STK3: variants seen among roughly 807,000 people sequenced by gnomAD.
STK3 encodes the protein serine/threonine kinase 3.
A neutral mutation model predicts 58.0 loss-of-function variants in STK3; 41 were observed. That is an observed-to-expected ratio of 0.71 (90% confidence interval 0.55 to 0.92). The LOEUF is 0.92. Ranked by LOEUF, STK3 falls within the 40% of genes least tolerant of loss-of-function variation. The pLI is 0.00. For missense variants in STK3, 479 were observed against 602.7 expected (o/e 0.79, Z 2.15); for synonymous variants, 170 against 191.0 (o/e 0.89, Z 0.91).
chr8:98,450,663 G>A (rs1007171058), downstream of STK3, among the ~76,000 whole-genome samples: 5 of 152,140 alleles, frequency 3.3e-5, no homozygotes, highest in African/African-American at 9.7e-5. Flanking sequence ...GCACAAGAAC[G>A]CCACGTATAT....
intron 1 of STK3, among the ~76,000 whole-genome samples, chr8:98,817,293 A>C (rs1834616200): frequency 6.6e-6 from 1 of 152,084 alleles, no homozygotes; most frequent in South Asian, 2.1e-4. Flanking sequence ...ATCTCTACTA[A>C]AAATACAAAA....
At chr8:98,843,166 C>T (rs1314661745) in intron 3 of STK3, among the ~76,000 whole-genome samples, 2 of 151,912 alleles carry the variant, frequency 1.3e-5, no homozygotes, top group Non-Finnish European at 2.9e-5. Flanking sequence ...GAGAACAGAT[C>T]ACTCAATAAA....
intron 1 of STK3, among the ~76,000 whole-genome samples, chr8:98,935,771 C>T (rs1840171336): frequency 6.6e-6 from 1 of 152,166 alleles, no homozygotes; most frequent in Non-Finnish European, 1.5e-5. Context: ...AGTCAAATTT[C>T]TTCCCCTTGG....
intron 7 of STK3, among the ~76,000 whole-genome samples, chr8:98,583,100 T>C (rs867144436): frequency 6.6e-6 from 1 of 152,102 alleles, no homozygotes; most frequent in Non-Finnish European, 1.5e-5. Flanking sequence ...TATTAAAATT[T>C]CATTGCCTGT....
Position 98,586,090 on chromosome 8 carries a change from A to C in STK3, c.823-6301T>G, listed in dbSNP as rs200624021. Among the ~76,000 whole-genome samples, 1,066 of 151,490 alleles carry C rather than the reference A, an allele frequency of 7.0e-3. 10 individuals carry two copies. Among genetic ancestry groups the C allele is most frequent in the African/African-American group, 0.024 (981 of 40,866 alleles). On this transcript the variant is annotated intron_variant, in intron 7 of 10. Coordinates refer to ENST00000419617, the MANE Select transcript of STK3 (RefSeq NM_006281.4). ...TTTTCTAATTGAATACCCTTGATTT[A>C]CTTCTCCTGCCTGATTGCCCTGGCC...
chr8:98,837,053 C>A (rs1374303281), intron 3 of STK3, among the ~76,000 whole-genome samples: 2 of 152,200 alleles, frequency 1.3e-5, no homozygotes, highest in South Asian at 4.1e-4. Flanking sequence ...AATATTTAAA[C>A]CTTGTTTTTA....
intron 3 of STK3, among the ~76,000 whole-genome samples, chr8:98,830,713 G>C (rs935619473): frequency 1.3e-4 from 20 of 152,126 alleles, no homozygotes; most frequent in African/African-American, 4.8e-4. Context: ...GCTCACGCCT[G>C]TAATCCCAGC....
intron 3 of STK3, among the ~76,000 whole-genome samples, chr8:98,403,529 C>T (rs1466799482): frequency 6.6e-6 from 1 of 152,180 alleles, no homozygotes; most frequent in Non-Finnish European, 1.5e-5. Flanking sequence ...AATACATGTC[C>T]TGGAATTATC....
intron 1 of STK3, among the ~76,000 whole-genome samples, chr8:98,781,575 A>G (rs1251203885): frequency 6.6e-6 from 1 of 152,244 alleles, no homozygotes; most frequent in African/African-American, 2.4e-5. Flanking sequence ...AAGGTCATTC[A>G]GAAAAGAACT....
intron 6 of STK3, among the ~76,000 whole-genome samples, chr8:98,691,572 C>T (rs1180767188): frequency 1.3e-5 from 2 of 152,044 alleles, no homozygotes; most frequent in African/African-American, 4.8e-5. Flanking sequence ...AGGACACCTT[C>T]ACCAGCATAG....
At chr8:98,658,006 T>C (rs1000625470) in intron 6 of STK3, among the ~76,000 whole-genome samples, 1 of 152,028 alleles carries the variant, frequency 6.6e-6, no homozygotes, top group African/African-American at 2.4e-5. Context: ...TGCCCTAAAG[T>C]CACATAATAG....
At chr8:98,583,116 ACT>A (rs981482556) in intron 7 of STK3, among the ~76,000 whole-genome samples, 7 of 150,790 alleles carry the variant, frequency 4.6e-5, no homozygotes, top group Admixed American at 4.6e-4. Flanking sequence ...CCTGTTTTTA[ACT>A]TTTTTTTTTA....
chr8:98,765,054 AT>A (rs1830857857), intron 3 of STK3, among the ~76,000 whole-genome samples: 1 of 152,246 alleles, frequency 6.6e-6, no homozygotes, highest in African/African-American at 2.4e-5. Context: ...TCTGAACAAG[AT>A]TTGAGGGAAG....
intron 1 of STK3, among the ~76,000 whole-genome samples, chr8:98,912,253 C>G (rs1839165626): frequency 6.6e-6 from 1 of 152,140 alleles, no homozygotes; most frequent in African/African-American, 2.4e-5. Flanking sequence ...GTGGCGCACG[C>G]CTGTAATCCT....
chr8:98,499,860 T>G (rs186754533), intron 10 of STK3, among the ~76,000 whole-genome samples: 1 of 152,272 alleles, frequency 6.6e-6, no homozygotes, highest in East Asian at 1.9e-4. Flanking sequence ...GGTGAGATTT[T>G]GGGTTGAAAC....
chr8:98,715,095 C>T (rs1462009951), intron 4 of STK3, among the ~76,000 whole-genome samples: 3 of 151,730 alleles, frequency 2.0e-5, no homozygotes, highest in African/African-American at 7.3e-5. Flanking sequence ...AAAGCTGAAA[C>T]TGGATCCCTT....
rs1203422754 is a variant in STK3 at position 98,618,470 on chromosome 8, C to G, written c.685-22301G>C. 2.6e-5 allele frequency among the ~76,000 whole-genome samples: 4 copies of G among 152,100 alleles called. 1 individual carries two copies. The Middle Eastern group carries it at 0.014, about 517-fold the overall frequency. ...TGTTGGAAGTTCTGGCCAGGGCAAT[C>G]AGGCAGGAGAAGGAAATAAAGGGTA... On this transcript the variant is annotated intron_variant, in intron 6 of 10. Coordinates refer to ENST00000419617, the MANE Select transcript of STK3 (RefSeq NM_006281.4).
intron 10 of STK3, among the ~76,000 whole-genome samples, chr8:98,478,055 C>A (rs1353322036): frequency 6.6e-6 from 1 of 152,070 alleles, no homozygotes; most frequent in African/African-American, 2.4e-5. Context: ...TTCAGACAGA[C>A]CCCTGGGCTA....
intron 6 of STK3, among the ~76,000 whole-genome samples, chr8:98,599,097 C>A (rs966638860): frequency 1.3e-5 from 2 of 151,970 alleles, no homozygotes; most frequent in African/African-American, 2.4e-5. Flanking sequence ...GATGGGCATG[C>A]CAGAATAACA....
Sources: allele counts gnomAD v4.1 joint callset (sites outside exome capture counted in the v4.1 genomes callset), GRCh38; gene constraint gnomAD v4.1.1; transcripts MANE v1.5; gene names NCBI Gene and HGNC (gene_info 2026-07-23, HGNC 2026-07-21).